AVPR1A: variants seen among roughly 807,000 people sequenced by gnomAD.
AVPR1A encodes arginine vasopressin receptor 1A.
AVPR1A carries 31 observed loss-of-function variants against 31.5 expected under a neutral mutation model. The ratio of observed to expected loss-of-function variants is 0.99; its 90% CI spans 0.74 to 1.33. The LOEUF (loss-of-function observed/expected upper bound fraction) is 1.33, where lower values mean the gene tolerates loss of function less well. Among genes scored for constraint, AVPR1A ranks in the 40% most tolerant of loss-of-function variants. AVPR1A has a pLI of 0.00. For missense variants in AVPR1A, 570 were observed against 575.2 expected, an observed-to-expected ratio of 0.99 and a Z score of 0.09; for synonymous variants, 243 against 233.2, an observed-to-expected ratio of 1.04 and a Z score of -0.38.
Position 63,145,481 on chromosome 12 carries a change from T to C in AVPR1A, c.*1878A>G, listed in dbSNP as rs1238714453. 6.5e-5 allele frequency: 27 copies of C among 416,080 alleles called. No homozygotes were observed. Among genetic ancestry groups the C allele is most frequent in the Non-Finnish European group, 1.3e-4 (27 of 213,306 alleles). The allele number at this position is 416,080 out of a possible 1,614,324, so 25.8% of individuals were successfully genotyped here. On this transcript the variant is annotated 3_prime_UTR_variant, in exon 2 of 2. Transcript: ENST00000299178. ...CTCTACTAAAAATATAAAAATTAGC[T>C]GGGTGTGGTGGCACATGCATATAGT... is the stretch of plus-strand genomic sequence containing the variant.
In AVPR1A at chr12:63,149,998, T is replaced by G; in HGVS notation, c.839A>C (p.Lys280Thr). 6.2e-7 allele frequency: 1 copy of G among 1,614,108 alleles called. No homozygotes were observed. The highest frequency in any genetic ancestry group is 8.5e-7 in the Non-Finnish European group (1 of 1,180,024). ...GCGGATCTTGGCCCGGGAAATGGAC[T>G]TCACGCTGCTGACACAGGGTGCGAG... ...FLLAPCVSSV[K>T]SISRAKIRTV... The change falls in exon 1 of 2, where the codon AAG (lysine) becomes ACG (threonine). Residue 280 changes from lysine to threonine, a missense_variant. Transcript: ENST00000299178.
chr12:63,147,165 C>T lies in AVPR1A; in HGVS notation c.*194G>A. On this transcript the variant is annotated 3_prime_UTR_variant, in exon 2 of 2. Coordinates refer to ENST00000299178, the MANE Select transcript of AVPR1A (RefSeq NM_000706.5). ...TGCATATTTTAGTACAGCATGTTTC[C>T]ATTAATATTCCATACAAAATAATGT... 3.2e-6 allele frequency: 2 copies of T among 616,168 alleles called. No individual in the cohort carries two copies. The highest frequency in any genetic ancestry group is 5.1e-5 in the South Asian group (2 of 39,452). 38.2% of individuals were successfully genotyped at this position (616,168 alleles called of 1,614,324 possible).
chr12:63,147,608 C>T lies in AVPR1A; in HGVS notation c.1008G>A (p.Leu336=). The change falls in exon 2 of 2, where the codon CTG becomes CTA. Residue 336 remains leucine, a synonymous_variant. Transcript: ENST00000299178. ...ENPTITITAL[L]GSLNSCCNPW... ...GATTACAGCAGCTATTCAAGGAACC[C>T]AGTAATGCAGTGATGGTGATGGTAG... The T allele has an allele frequency of 6.2e-7, 1 of 1,613,932 alleles. No individual in the cohort carries two copies.
At chr12:63,148,072 G>GA (rs1356154675) in intron 1 of AVPR1A, among the ~76,000 whole-genome samples, 12 of 151,976 alleles carry the variant, frequency 7.9e-5, no homozygotes, top group Non-Finnish European at 1.3e-4. Context: ...AATAACTCAG[G>GA]AAAAAATATT....
In AVPR1A at chr12:63,150,490, C is replaced by T. The variant is rs764555580; in HGVS notation, c.347G>A (p.Arg116His). The T allele has an allele frequency of 1.2e-5, 19 of 1,613,276 alleles. No individual in the cohort carries two copies. The highest frequency in any genetic ancestry group is 1.5e-5 in the Non-Finnish European group (18 of 1,179,824). ...LPQMCWDITY[R>H]FRGPDWLCRV... is the part of the protein sequence containing the mutation. ...GCACAGCCAGTCGGGGCCGCGGAAG[C>T]GGTAGGTGATGTCCCAGCACATTTG... The change falls in exon 1 of 2, where the codon CGC becomes CAC. Residue 116 changes from arginine (R) to histidine (H), a missense_variant. Transcript: ENST00000299178. The surrounding 1 kb of genome is among the most constrained non-coding windows in gnomAD (Gnocchi z 4.9).
rs1187671919 is a variant in AVPR1A at position 63,150,953 on chromosome 12, C to G, written c.-117G>C. ...CGAAGCGCAGGGTCTTTGGCGCGCTCGCAGCTTGCCGGGCTCTGCGATCCC... is the reference window on the plus strand; with the variant it reads ...CGAAGCGCAGGGTCTTTGGCGCGCTGGCAGCTTGCCGGGCTCTGCGATCCC... On this transcript the variant is annotated 5_prime_UTR_variant, in exon 1 of 2. Coordinates refer to ENST00000299178, the MANE Select transcript of AVPR1A (RefSeq NM_000706.5). This position sits in a 1 kb window ranked among gnomAD's most constrained non-coding sequence, Gnocchi z 4.9. The G allele has an allele frequency of 7.1e-7, 1 of 1,398,912 alleles. No homozygotes were observed. The highest frequency in any genetic ancestry group is 1.5e-5 in the South Asian group (1 of 65,926). The allele number at this position is 1,398,912 out of a possible 1,614,324, so 86.7% of individuals were successfully genotyped here.
chr12:63,150,902 G>GT lies in AVPR1A; in HGVS notation c.-67dup. On this transcript the variant is annotated 5_prime_UTR_variant, in exon 1 of 2. Coordinates refer to ENST00000299178, the MANE Select transcript of AVPR1A (RefSeq NM_000706.5). This position sits in a 1 kb window ranked among gnomAD's most constrained non-coding sequence, Gnocchi z 4.9. ...AGCCCTCGCGGGCCGCTCCCTCCCC[G>GT]TCTCGGAGGACTTGGGCTCCTCGTC... 1 of 1,446,772 alleles carries GT rather than the reference G, an allele frequency of 6.9e-7. No homozygotes were observed. The highest frequency in any genetic ancestry group is 9.0e-7 in the Non-Finnish European group (1 of 1,107,388). The allele number at this position is 1,446,772 out of a possible 1,614,324, so 89.6% of individuals were successfully genotyped here.
chr12:63,148,048 A>G (rs1868384185), intron 1 of AVPR1A, among the ~76,000 whole-genome samples: 1 of 152,188 alleles, frequency 6.6e-6, no homozygotes, highest in African/African-American at 2.4e-5. Flanking sequence ...TGTATACCAA[A>G]TTGTATTTAT....
At position 63,144,181 on chromosome 12, in the gene AVPR1A, T is replaced by C. The variant is rs558136457; in HGVS notation, c.*3178A>G. 1.3e-5 allele frequency: 2 copies of C among 152,354 alleles called. No individual in the cohort carries two copies. Among genetic ancestry groups the C allele is most frequent in the African/African-American group, 4.8e-5 (2 of 41,592 alleles). 9.4% of individuals were successfully genotyped at this position (152,354 alleles called of 1,614,324 possible). On this transcript the variant is annotated 3_prime_UTR_variant, in exon 2 of 2. Transcript: ENST00000299178. ...TTGTTTGATGATGATAGAAATTCTA[T>C]ATGTAAAACAAGTATATAATTAACC...
chr12:63,148,270 TA>T (rs1312349706), intron 1 of AVPR1A, among the ~76,000 whole-genome samples: 1 of 152,206 alleles, frequency 6.6e-6, no homozygotes. Context: ...AACAGGATTC[TA>T]AAATATTTTA....
In AVPR1A at chr12:63,147,641, C is replaced by T. The variant is rs370281487; in HGVS notation, c.975G>A (p.Ser325=). The T allele has an allele frequency of 3.5e-5, 56 of 1,608,648 alleles. No individual in the cohort carries two copies. Among genetic ancestry groups the T allele is most frequent in the South Asian group, 1.4e-4 (13 of 90,896 alleles). ...CAGTGATGGTGATGGTAGGGTTTTC[C>T]GATTCTGCATGAAAAATATAAAGGG... is the stretch of plus-strand genomic sequence containing the variant. ...VWDPMSVWTE[S]ENPTITITAL... The change falls in exon 2 of 2, where the codon TCG becomes TCA. Residue 325 remains serine (S), a synonymous_variant. Transcript: ENST00000299178.
rs1868450260 is a variant in AVPR1A at position 63,150,419 on chromosome 12, A to G, written c.418T>C (p.Tyr140His). The G allele has an allele frequency of 6.2e-7, 1 of 1,613,752 alleles. No individual in the cohort carries two copies. The highest frequency in any genetic ancestry group is 2.2e-5 in the East Asian group (1 of 44,856). Residue 140 changes from tyrosine (Y) to histidine (H), a missense_variant, in exon 1 of 2, where the codon TAC becomes CAC. Physicochemically the swap from Tyr to His is moderately conservative, Grantham distance 83 (BLOSUM62 2). Coordinates refer to ENST00000299178, the MANE Select transcript of AVPR1A (RefSeq NM_000706.5). This position sits in a 1 kb window ranked among gnomAD's most constrained non-coding sequence, Gnocchi z 4.9. ...LQVFGMFASA[Y>H]MLVVMTADRY... ...TCGGCTGTCATGACTACCAGCATGTAGGCCGACGCAAACATGCCGAACACC... is the reference window on the plus strand; with the variant it reads ...TCGGCTGTCATGACTACCAGCATGTGGGCCGACGCAAACATGCCGAACACC...
In AVPR1A at chr12:63,150,276, G is replaced by C; in HGVS notation, c.561C>G (p.Phe187Leu). The change falls in exon 1 of 2, where the codon TTC becomes TTG. Residue 187 changes from phenylalanine (F) to leucine (L), a missense_variant. By Grantham distance (22) the Phe-to-Leu change is conservative. Transcript: ENST00000299178. This position sits in a 1 kb window ranked among gnomAD's most constrained non-coding sequence, Gnocchi z 4.9. ...TGTTCACCTCGATCATGGAGAAGAC[G>C]AAGTACTGCGGCGTGCTCAGCACGA... ...LSFVLSTPQY[F>L]VFSMIEVNNV... 1 of 1,613,932 alleles carries C rather than the reference G, an allele frequency of 6.2e-7. No homozygotes were observed. The highest frequency in any genetic ancestry group is 8.5e-7 in the Non-Finnish European group (1 of 1,180,050).
At chr12:63,147,743 TATC>T in intron 1 of AVPR1A, 98 bp from the exon 2 acceptor site, 1 of 1,294,214 alleles carries the variant, frequency 7.7e-7, no homozygotes, top group Non-Finnish European at 1.1e-6. Flanking sequence ...ACTTCTGGAT[TATC>T]ATAGAAAATG....
At position 63,150,100 on chromosome 12, in the gene AVPR1A, T is replaced by C; in HGVS notation, c.737A>G (p.Asn246Ser). Residue 246 changes from asparagine to serine, a missense_variant, in exon 1 of 2, where the codon AAC becomes AGC. Coordinates refer to ENST00000299178, the MANE Select transcript of AVPR1A (RefSeq NM_000706.5). The surrounding 1 kb of genome is among the most constrained non-coding windows in gnomAD (Gnocchi z 4.9). ...GCGCGACGCCGTCTTCCCGCGGACG[T>C]TGCACCAGATGTTGTAGCAGATGAA... ...YGFICYNIWC[N>S]VRGKTASRQS... 6.2e-7 allele frequency: 1 copy of C among 1,614,028 alleles called. No individual in the cohort carries two copies. Among genetic ancestry groups the C allele is most frequent in the Non-Finnish European group, 8.5e-7 (1 of 1,180,020 alleles).
At position 63,150,299 on chromosome 12, in the gene AVPR1A, C is replaced by A; in HGVS notation, c.538G>T (p.Val180Leu). Residue 180 changes from valine (V) to leucine (L), a missense_variant, in exon 1 of 2, where the codon GTG becomes TTG. Transcript: ENST00000299178. This position sits in a 1 kb window ranked among gnomAD's most constrained non-coding sequence, Gnocchi z 4.9. The stretch of plus-strand genomic sequence containing the variant: ...ACGAAGTACTGCGGCGTGCTCAGCA[C>A]GAAGCTCAGCACCCAGGCGGCCGCG... ...MIAAAWVLSF[V>L]LSTPQYFVFS... 6.2e-7 allele frequency: 1 copy of A among 1,613,950 alleles called. No homozygotes were observed. The highest frequency in any genetic ancestry group is 1.1e-5 in the South Asian group (1 of 91,086).
rs1020081855 is a variant in AVPR1A at position 63,144,131 on chromosome 12, C to T, written c.*3228G>A. On this transcript the variant is annotated 3_prime_UTR_variant, in exon 2 of 2. Coordinates refer to ENST00000299178, the MANE Select transcript of AVPR1A (RefSeq NM_000706.5). ...AGTATTTTTTTCTCTAAAACCATAC[C>T]CTTCCCGAAATCATGGCATAAGACT... is the stretch of plus-strand genomic sequence containing the variant. The T allele has an allele frequency of 6.6e-6, 1 of 152,030 alleles. No individual in the cohort carries two copies. Among genetic ancestry groups the T allele is most frequent in the Non-Finnish European group, 1.5e-5 (1 of 68,006 alleles). The allele number at this position is 152,030 out of a possible 1,614,324, so 9.4% of individuals were successfully genotyped here.
rs1565878804 is a variant in AVPR1A, at chr12:63,149,923, G to A, written c.914C>T (p.Ala305Val). ...VIVTAYIVCW[A>V]PFFIIQMWSV... Reference sequence around the variant, plus strand: ...CCACATCTGGATGATGAAGAAAGGCGCCCAGCAGACGATGTAAGCCGTCAC... The same window carrying A: ...CCACATCTGGATGATGAAGAAAGGCACCCAGCAGACGATGTAAGCCGTCAC... Residue 305 changes from alanine (A) to valine (V), a missense_variant, in exon 1 of 2, where the codon GCG becomes GTG. Ala to Val is a moderately conservative substitution (Grantham distance 64). Transcript: ENST00000299178. 1.2e-6 allele frequency: 2 copies of A among 1,613,878 alleles called. No individual in the cohort carries two copies. Among genetic ancestry groups the A allele is most frequent in the East Asian group, 2.2e-5 (1 of 44,852 alleles).
At position 63,150,663 on chromosome 12, in the gene AVPR1A, C is replaced by A; in HGVS notation, c.174G>T (p.Leu58=). The part of the protein sequence containing the change: ...EELAKLEIAV[L]AVTFAVAVLG... ...GCACGGCCACCGCGAAAGTCACCGCCAGCACGGCGATCTCCAGTTTGGCCA... is the reference window on the plus strand; with the variant it reads ...GCACGGCCACCGCGAAAGTCACCGCAAGCACGGCGATCTCCAGTTTGGCCA... Residue 58 remains leucine, a synonymous_variant, in exon 1 of 2, where the codon CTG becomes CTT. Transcript: ENST00000299178. This position sits in a 1 kb window ranked among gnomAD's most constrained non-coding sequence, Gnocchi z 4.9. 1.9e-6 allele frequency: 3 copies of A among 1,609,030 alleles called. No homozygotes were observed. Among genetic ancestry groups the A allele is most frequent in the Non-Finnish European group, 2.5e-6 (3 of 1,179,886 alleles).
Sources: gnomAD v4.1 joint callset for allele counts (sites outside exome capture counted in the v4.1 genomes callset) on GRCh38, gnomAD v4.1.1 for gene constraint, Gnocchi (gnomAD v3.1) non-coding constraint, MANE v1.5 for transcripts, NCBI Gene and HGNC (gene_info 2026-07-23, HGNC 2026-07-21) for gene names.